Variants in ANKFN1 observed in about 807,000 individuals in gnomAD.
ANKFN1 encodes the protein ankyrin repeat and fibronectin type III domain containing 1.
In ANKFN1, 74 loss-of-function variants were observed where a neutral mutation model predicts 108.7. That is an observed-to-expected ratio of 0.68 (90% CI 0.56 to 0.83). The LOEUF (loss-of-function observed/expected upper bound fraction) is 0.83, where lower values mean the gene tolerates loss of function less well. Among genes scored for constraint, ANKFN1 ranks in the 40% least tolerant of loss-of-function variants. The pLI is 0.00. For missense variants in ANKFN1, 1,505 were observed against 1,382.3 expected (o/e 1.09, Z -1.41); for synonymous variants, 547 against 516.2 (o/e 1.06, Z -0.81).
At chr17:56,124,894 A>G (rs9915013) in intron 4 of ANKFN1, among the ~76,000 whole-genome samples, 6,218 of 152,176 alleles carry the variant, frequency 0.041, 410 homozygotes, top group African/African-American at 0.14. Context: ...ACCTCCTGAC[A>G]TGCCTAATGG....
intron 1 of ANKFN1, among the ~76,000 whole-genome samples, chr17:56,198,631 T>A (rs895735202): frequency 6.6e-6 from 1 of 152,230 alleles, no homozygotes; most frequent in Non-Finnish European, 1.5e-5. Flanking sequence ...CACTCTTTAG[T>A]GTATCTGAAA....
intron 15 of ANKFN1, among the ~76,000 whole-genome samples, chr17:56,475,512 T>C (rs570520684): frequency 5.3e-5 from 8 of 152,306 alleles, no homozygotes; most frequent in African/African-American, 1.9e-4. Context: ...TTCCATTCCA[T>C]ATAGAATTCT....
intron 17 of ANKFN1, 105 bp downstream of exon 17, chr17:56,480,923 A>C: frequency 1.5e-6 from 1 of 679,380 alleles, no homozygotes; most frequent in South Asian, 2.5e-5. Context: ...GTGTGTGTGT[A>C]AATTTTCCTT....
chr17:56,285,607 C>A (rs2044193928), intron 3 of ANKFN1, among the ~76,000 whole-genome samples: 1 of 151,962 alleles, frequency 6.6e-6, no homozygotes, highest in South Asian at 2.1e-4. Context: ...TAAAACTGGG[C>A]TCCTCTCTCC....
At chr17:56,259,094 G>A (rs975548211) in intron 3 of ANKFN1, among the ~76,000 whole-genome samples, 2 of 152,082 alleles carry the variant, frequency 1.3e-5, no homozygotes, top group African/African-American at 2.4e-5. Flanking sequence ...CAGCTCTGTC[G>A]TATAGGTACT....
intron 1 of ANKFN1, among the ~76,000 whole-genome samples, chr17:56,180,675 T>G (rs957242501): frequency 1.3e-5 from 2 of 152,196 alleles, no homozygotes; most frequent in African/African-American, 4.8e-5. Flanking sequence ...ACAACATAAT[T>G]AGTATTCTAA....
At chr17:56,152,474 A>G (rs941715610), upstream of ANKFN1, among the ~76,000 whole-genome samples, 4 of 151,874 alleles carry the variant, frequency 2.6e-5, no homozygotes, top group African/African-American at 9.7e-5. Flanking sequence ...TGAATTCTCT[A>G]TTTTTAAAAA....
At chr17:56,397,663 A>G (rs1304270489) in intron 8 of ANKFN1, among the ~76,000 whole-genome samples, 1 of 152,228 alleles carries the variant, frequency 6.6e-6, no homozygotes, top group East Asian at 1.9e-4. Flanking sequence ...AACTAAGCCA[A>G]AGTGATACAA....
intron 8 of ANKFN1, among the ~76,000 whole-genome samples, chr17:56,399,887 T>G (rs2047704738): frequency 6.8e-6 from 1 of 147,472 alleles, no homozygotes; most frequent in Non-Finnish European, 1.5e-5. Flanking sequence ...TTCCTTTTTA[T>G]GGCTGAGTAT....
chr17:56,259,811 C>A (rs1323969533), intron 3 of ANKFN1, among the ~76,000 whole-genome samples: 3 of 151,808 alleles, frequency 2.0e-5, no homozygotes, highest in Non-Finnish European at 2.9e-5. Context: ...CAAGTAAATT[C>A]TCTTCTGTTT....
chr17:56,183,187 A>G (rs1911854268), intron 1 of ANKFN1, among the ~76,000 whole-genome samples: 1 of 152,034 alleles, frequency 6.6e-6, no homozygotes, highest in South Asian at 2.1e-4. Flanking sequence ...TTGGCTTTCA[A>G]CTCTTATTAT....
intron 4 of ANKFN1, among the ~76,000 whole-genome samples, chr17:56,047,779 G>C (rs933373153): frequency 2.6e-5 from 4 of 152,160 alleles, no homozygotes; most frequent in African/African-American, 9.7e-5. Flanking sequence ...CTCAATGCTA[G>C]GGGTCAGCAC....
At chr17:56,330,240 T>TCA (rs370928622) in intron 4 of ANKFN1, among the ~76,000 whole-genome samples, 3 of 152,054 alleles carry the variant, frequency 2.0e-5, no homozygotes, top group Admixed American at 6.6e-5. Flanking sequence ...GGGCTCACAA[T>TCA]CATGGCAGAA....
chr17:56,170,805 T>TATATATATATATAC (rs1910611480), intron 1 of ANKFN1, among the ~76,000 whole-genome samples: 3 of 72,126 alleles, frequency 4.2e-5, no homozygotes, highest in Non-Finnish European at 8.0e-5. Context: ...TATATATATA[T>TATATATATATATAC]ATACACACAC....
At chr17:56,421,546 C>A (rs1438013695) in intron 8 of ANKFN1, among the ~76,000 whole-genome samples, 1 of 152,222 alleles carries the variant, frequency 6.6e-6, no homozygotes, top group Non-Finnish European at 1.5e-5. Flanking sequence ...ACTTGGCCAT[C>A]ATGGCTTTGT....
chr17:56,057,460 G>A (rs1291484093), intron 4 of ANKFN1, among the ~76,000 whole-genome samples: 1 of 152,176 alleles, frequency 6.6e-6, no homozygotes, highest in Non-Finnish European at 1.5e-5. Flanking sequence ...AGTATATACA[G>A]CAGCGATAGA....
intron 6 of ANKFN1, among the ~76,000 whole-genome samples, chr17:56,354,705 C>A (rs553829942): frequency 1.2e-4 from 18 of 152,106 alleles, no homozygotes; most frequent in African/African-American, 3.9e-4. Flanking sequence ...CCTCAGTCTT[C>A]GGTAAACACT....
At chr17:56,490,704 CA>C (rs573332708) in intron 18 of ANKFN1, among the ~76,000 whole-genome samples, 1 of 151,082 alleles carries the variant, frequency 6.6e-6, no homozygotes, top group African/African-American at 2.4e-5. Flanking sequence ...CTGTGTCAGG[CA>C]AAAAAAAGTG....
intron 14 of ANKFN1, 75 bp from the exon 15 acceptor site, chr17:56,466,281 G>A (rs1030701446): frequency 1.4e-5 from 18 of 1,279,936 alleles, no homozygotes; most frequent in Admixed American, 5.6e-5. Context: ...TATTATTCAC[G>A]GTGTCTTTTG....
Sources: gnomAD v4.1 joint callset for allele counts (sites outside exome capture counted in the v4.1 genomes callset) on GRCh38, gnomAD v4.1.1 for gene constraint, MANE v1.5 for transcripts, NCBI Gene and HGNC (gene_info 2026-07-23, HGNC 2026-07-21) for gene names.